EPB41L3: variants seen among roughly 807,000 people sequenced by gnomAD.
EPB41L3 encodes band 4.1-like protein 3.
In EPB41L3, 57 loss-of-function variants were observed where a neutral mutation model predicts 127.1. The observed-to-expected ratio is 0.45, with a 90% CI of 0.36 to 0.56. The LOEUF (loss-of-function observed/expected upper bound fraction) is 0.56, where lower values mean the gene tolerates loss of function less well. Ranked by LOEUF, EPB41L3 falls within the 20% of genes least tolerant of loss-of-function variation. The pLI is 0.00. For missense variants in EPB41L3, 1,273 were observed against 1,372.2 expected, an observed-to-expected ratio of 0.93 and a Z score of 1.14; for synonymous variants, 572 against 549.5, an observed-to-expected ratio of 1.04 and a Z score of -0.57.
chr18:5,625,473 G>A (rs2094913099), intron 1 of EPB41L3, among the ~76,000 whole-genome samples: 1 of 152,152 alleles, frequency 6.6e-6, no homozygotes, highest in Non-Finnish European at 1.5e-5. Context: ...TCAGGACATG[G>A]TGGTCCTACG....
rs1260592274 is a variant in EPB41L3 at position 5,479,309 on chromosome 18, G to C, written c.184-871C>G. ...CACTGCCACTAGTCTGCAAATATGTGCTGACAGTCCAAAGGAAGACATGCA... is the reference window on the plus strand; with the variant it reads ...CACTGCCACTAGTCTGCAAATATGTCCTGACAGTCCAAAGGAAGACATGCA... On this transcript the variant is annotated intron_variant, in intron 2 of 22. Transcript: ENST00000341928. Among the ~76,000 whole-genome samples the C allele has an allele frequency of 1.3e-5, 2 of 152,180 alleles. 1 individual carries two copies. Among genetic ancestry groups the C allele is most frequent in the Admixed American group, 1.3e-4 (2 of 15,274 alleles).
chr18:5,624,963 G>T (rs2144300371), intron 1 of EPB41L3, among the ~76,000 whole-genome samples: 1 of 152,184 alleles, frequency 6.6e-6, no homozygotes, highest in Non-Finnish European at 1.5e-5. Context: ...AGGGGAGGAA[G>T]GGCATTTCAG....
chr18:5,519,620 C>T (rs1376453425), intron 1 of EPB41L3, among the ~76,000 whole-genome samples: 1 of 152,186 alleles, frequency 6.6e-6, no homozygotes, highest in Non-Finnish European at 1.5e-5. Flanking sequence ...TGCAGAGCTA[C>T]ATGTGGAGGG....
chr18:5,521,870 G>T (rs754282630), intron 1 of EPB41L3, among the ~76,000 whole-genome samples: 17 of 152,250 alleles, frequency 1.1e-4, no homozygotes, highest in Non-Finnish European at 1.8e-4. Flanking sequence ...AATGTAAAAT[G>T]ACTAACTCAG....
chr18:5,605,572 T>A (rs371677985), intron 3 of EPB41L3, among the ~76,000 whole-genome samples: 2 of 152,050 alleles, frequency 1.3e-5, no homozygotes. Flanking sequence ...TTTTTAGTAG[T>A]TCTCTTTAAT....
chr18:5,478,775 T>C (rs2087772621), intron 2 of EPB41L3, among the ~76,000 whole-genome samples: 2 of 152,252 alleles, frequency 1.3e-5, no homozygotes, highest in African/African-American at 2.4e-5. Flanking sequence ...TAAAATATAC[T>C]GTTTAGATTT....
At chr18:5,556,064 T>C (rs1408042284) in intron 3 of EPB41L3, among the ~76,000 whole-genome samples, 3 of 152,182 alleles carry the variant, frequency 2.0e-5, no homozygotes, top group Non-Finnish European at 4.4e-5. Flanking sequence ...GGGTTGCTTC[T>C]ACTCACCACT....
intron 1 of EPB41L3, among the ~76,000 whole-genome samples, chr18:5,501,961 G>A (rs768024883): frequency 1.4e-4 from 22 of 152,110 alleles, no homozygotes; most frequent in Non-Finnish European, 4.4e-5. Context: ...CACTGAAAGG[G>A]CTCCCCATTT....
chr18:5,626,253 C>A (rs983487750), intron 1 of EPB41L3, among the ~76,000 whole-genome samples: 3 of 152,188 alleles, frequency 2.0e-5, no homozygotes, highest in Non-Finnish European at 4.4e-5. Context: ...CACAAGACAT[C>A]ATCGTGACAC....
intron 3 of EPB41L3, among the ~76,000 whole-genome samples, chr18:5,587,015 A>C (rs1364383080): frequency 6.6e-6 from 1 of 152,180 alleles, no homozygotes. Context: ...TTATGAATAA[A>C]TTACATATTT....
chr18:5,417,852 A>G (rs1181024469), intron 12 of EPB41L3, among the ~76,000 whole-genome samples: 2 of 152,188 alleles, frequency 1.3e-5, no homozygotes, highest in African/African-American at 2.4e-5. Flanking sequence ...AGAATAATGT[A>G]GCTGCTACAC....
rs1344451599 is a variant in EPB41L3, at chr18:5,445,242, T to C, written c.384A>G (p.Lys128=). ...CAAACAGCACTTGTCCTCTGGAGCG[T>C]TTCTACAGAAAACAGAATAGCAAAG... ...DGSEYTCDVE[K]RSRGQVLFDK... The change falls in exon 4 of 23, where the codon AAA becomes AAG. Residue 128 remains lysine, a splice_region_variant and synonymous_variant. Transcript: ENST00000341928. 1 of 1,612,768 alleles carries C rather than the reference T, an allele frequency of 6.2e-7. No homozygotes were observed. Among genetic ancestry groups the C allele is most frequent in the South Asian group, 1.1e-5 (1 of 90,982 alleles).
intron 3 of EPB41L3, among the ~76,000 whole-genome samples, chr18:5,552,319 C>T (rs538349468): frequency 2.0e-5 from 3 of 152,196 alleles, no homozygotes; most frequent in African/African-American, 4.8e-5. Flanking sequence ...ACTCATCACA[C>T]GTTAAATATC....
intron 1 of EPB41L3, among the ~76,000 whole-genome samples, chr18:5,627,344 C>T (rs1200954696): frequency 6.6e-6 from 1 of 152,148 alleles, no homozygotes; most frequent in Admixed American, 6.5e-5. Flanking sequence ...TACAAAATTT[C>T]TCTAAAATGG....
chr18:5,546,004 T>C (rs1026863515), upstream of EPB41L3, among the ~76,000 whole-genome samples: 1 of 152,130 alleles, frequency 6.6e-6, no homozygotes, highest in Non-Finnish European at 1.5e-5. Flanking sequence ...TGGACTTGAA[T>C]AAATTGTATT....
intron 1 of EPB41L3, among the ~76,000 whole-genome samples, chr18:5,536,502 TA>T (rs201022441): frequency 0.21 from 29,637 of 144,474 alleles, 3,036 homozygotes; most frequent in African/African-American, 0.26. Flanking sequence ...CTGTTACATT[TA>T]AAAAAAAAAA....
At chr18:5,579,038 C>G in intron 3 of EPB41L3, among the ~76,000 whole-genome samples, 1 of 152,158 alleles carries the variant, frequency 6.6e-6, no homozygotes. Context: ...TAAAAATAAA[C>G]TGCAGTATGT....
At chr18:5,578,238 A>G (rs1440154572) in intron 3 of EPB41L3, among the ~76,000 whole-genome samples, 1 of 152,206 alleles carries the variant, frequency 6.6e-6, no homozygotes, top group East Asian at 1.9e-4. Flanking sequence ...CTCAGTGAAC[A>G]TTGTATTATC....
chr18:5,507,845 C>T (rs556552316), intron 1 of EPB41L3, among the ~76,000 whole-genome samples: 36 of 152,248 alleles, frequency 2.4e-4, no homozygotes, highest in Middle Eastern at 3.4e-3. Flanking sequence ...CTTAAGATCA[C>T]GAGTGCTAAT....
Sources: gnomAD v4.1 joint callset for allele counts (sites outside exome capture counted in the v4.1 genomes callset) on GRCh38, gnomAD v4.1.1 for gene constraint, MANE v1.5 for transcripts, NCBI Gene and HGNC (gene_info 2026-07-23, HGNC 2026-07-21) for gene names.